TM9SF4: variants seen among roughly 807,000 people sequenced by gnomAD.
The protein encoded by TM9SF4 is transmembrane 9 superfamily member 4, also known as dinucleotide oxidase disulfide thiol exchanger 3 superfamily member 4.
In TM9SF4, 26 loss-of-function variants were observed where a neutral mutation model predicts 90.4. That is an observed-to-expected ratio of 0.29 (90% CI 0.21 to 0.40). The LOEUF (loss-of-function observed/expected upper bound fraction) is 0.40. Ranked by LOEUF, TM9SF4 falls within the 10% of genes least tolerant of loss-of-function variation. The pLI is 1.00. For missense variants in TM9SF4, 549 were observed against 834.8 expected, an observed-to-expected ratio of 0.66 and a Z score of 4.22; for synonymous variants, 293 against 315.4, an observed-to-expected ratio of 0.93 and a Z score of 0.75.
chr20:32,126,765 C>T (rs376731899), intron 1 of TM9SF4, among the ~76,000 whole-genome samples: 20 of 151,186 alleles, frequency 1.3e-4, no homozygotes, highest in African/African-American at 4.1e-4. Context: ...GACGAAGTCT[C>T]GCTCTTGTCC....
At position 32,126,062 on chromosome 20, in the gene TM9SF4, C is replaced by T. The variant is rs575185951; in HGVS notation, c.16-6951C>T. 8.7e-3 allele frequency among the ~76,000 whole-genome samples: 1,103 copies of T among 126,320 alleles called. 2 individuals are homozygous for T. Among genetic ancestry groups the T allele is most frequent in the East Asian group, 0.025 (95 of 3,868 alleles). The allele number at this position is 126,320 out of a possible 152,430, so 82.9% of individuals were successfully genotyped here. ...AAATGTGCTGCACACAGCCCTCTTT[C>T]CCGTAAACACACACACACACACACA... is the stretch of plus-strand genomic sequence containing the variant. On this transcript the variant is annotated intron_variant, in intron 1 of 17. Coordinates refer to ENST00000398022, the MANE Select transcript of TM9SF4 (RefSeq NM_014742.4).
chr20:32,111,955 A>G (rs2046149039), intron 1 of TM9SF4, among the ~76,000 whole-genome samples: 1 of 152,218 alleles, frequency 6.6e-6, no homozygotes, highest in Non-Finnish European at 1.5e-5. Flanking sequence ...ACTGCGGTCT[A>G]CATTTTGTTG....
At chr20:32,162,695 A>G (rs2047034746) in intron 17 of TM9SF4, among the ~76,000 whole-genome samples, 1 of 152,138 alleles carries the variant, frequency 6.6e-6, no homozygotes, top group African/African-American at 2.4e-5. Flanking sequence ...TGTCATTATC[A>G]AGGTCTTGAT....
Position 32,157,765 on chromosome 20 carries a change from G to A in TM9SF4, c.1330-29G>A, listed in dbSNP as rs555498590. ...CCCCCATCCCGGGCATCAGGGCCTC[G>A]TGGGGGCCTCATGGTGCCATGTCTA... is the stretch of plus-strand genomic sequence containing the variant. On this transcript the variant is annotated intron_variant, in intron 13 of 17. Transcript: ENST00000398022. 41 of 1,611,858 alleles carry A rather than the reference G, an allele frequency of 2.5e-5. 1 individual carries two copies. The South Asian group carries it at 3.7e-4, about 15-fold the overall frequency.
chr20:32,115,993 T>C (rs895659190), intron 1 of TM9SF4, among the ~76,000 whole-genome samples: 10 of 151,734 alleles, frequency 6.6e-5, no homozygotes, highest in African/African-American at 2.4e-4. Context: ...GGCTAATTTT[T>C]GTATTTTTAG....
At chr20:32,121,920 G>C (rs1288153917) in intron 1 of TM9SF4, among the ~76,000 whole-genome samples, 1 of 138,278 alleles carries the variant, frequency 7.2e-6, no homozygotes, top group Non-Finnish European at 1.6e-5. Flanking sequence ...GCGGCTGGCC[G>C]GGCGGGGGGC....
intron 17 of TM9SF4, among the ~76,000 whole-genome samples, chr20:32,164,590 G>A (rs1340524313): frequency 6.6e-6 from 1 of 152,134 alleles, no homozygotes; most frequent in Non-Finnish European, 1.5e-5. Flanking sequence ...TTAGGAGAGG[G>A]CTTCAAATGG....
At position 32,136,212 on chromosome 20, in the gene TM9SF4, G is replaced by A. The variant is rs556429538; in HGVS notation, c.229+39G>A. The A allele has an allele frequency of 2.4e-5, 38 of 1,580,320 alleles. No homozygotes were observed. In the African/African-American group the frequency reaches 4.3e-4, roughly 18 times the overall value. On this transcript the variant is annotated intron_variant, in intron 3 of 17. Coordinates refer to ENST00000398022, the MANE Select transcript of TM9SF4 (RefSeq NM_014742.4). ...CCACACTGCTGTCAACTTGTCCCCA[G>A]GGGGAACCCAGCATGATTTTTATAA...
intron 1 of TM9SF4, among the ~76,000 whole-genome samples, chr20:32,122,090 C>T (rs1269128047): frequency 1.4e-5 from 2 of 140,828 alleles, no homozygotes; most frequent in East Asian, 2.2e-4. Flanking sequence ...TCCTCACTTC[C>T]CAGTAGGGGC....
intron 17 of TM9SF4, among the ~76,000 whole-genome samples, chr20:32,163,185 G>A: frequency 6.9e-6 from 1 of 145,340 alleles, no homozygotes; most frequent in East Asian, 2.0e-4. Flanking sequence ...GGCAGAGGTT[G>A]CAGTGAGCCA....
intron 1 of TM9SF4, among the ~76,000 whole-genome samples, chr20:32,123,035 G>A (rs1375164558): frequency 4.6e-5 from 7 of 150,686 alleles, no homozygotes; most frequent in East Asian, 2.0e-4. Flanking sequence ...CAGGCGTGGC[G>A]GCGTGCGCCT....
intron 1 of TM9SF4, among the ~76,000 whole-genome samples, chr20:32,128,886 G>A (rs2046466420): frequency 6.6e-6 from 1 of 151,726 alleles, no homozygotes; most frequent in African/African-American, 2.4e-5. Context: ...AAGAAAAGGT[G>A]GGAGGTGCTG....
At chr20:32,145,520 G>A (rs1226283698) in intron 8 of TM9SF4, 97 bp downstream of exon 8, 2 of 1,096,158 alleles carry the variant, frequency 1.8e-6, no homozygotes, top group Non-Finnish European at 2.7e-6. Flanking sequence ...GTGTTCTGAG[G>A]GTCAGGCGTA....
At chr20:32,127,247 G>A (rs6058528) in intron 1 of TM9SF4, among the ~76,000 whole-genome samples, 64,285 of 152,024 alleles carry the variant, frequency 0.42, 13,952 homozygotes, top group East Asian at 0.74. Flanking sequence ...TGCTTAGCAC[G>A]TAATTAGCAT....
intron 3 of TM9SF4, among the ~76,000 whole-genome samples, chr20:32,137,218 T>C (rs2046607576): frequency 6.6e-6 from 1 of 152,198 alleles, no homozygotes; most frequent in Non-Finnish European, 1.5e-5. Flanking sequence ...TGCCTGCCAT[T>C]GCCCTCCTTT....
At position 32,165,401 on chromosome 20, in the gene TM9SF4, A is replaced by G; in HGVS notation, c.1886A>G (p.Tyr629Cys). 6.2e-7 allele frequency: 1 copy of G among 1,614,128 alleles called. No homozygotes were observed. Among genetic ancestry groups the G allele is most frequent in the Non-Finnish European group, 8.5e-7 (1 of 1,180,008 alleles). The change falls in exon 18 of 18, where the codon TAC (tyrosine) becomes TGC (cysteine). Residue 629 changes from tyrosine to cysteine, a missense_variant. Tyr to Cys is a radical substitution (Grantham distance 194). Coordinates refer to ENST00000398022, the MANE Select transcript of TM9SF4 (RefSeq NM_014742.4). ...GGTACCATCGGCTTCTATGCAGCCTACATGTTTGTTCGCAAGATCTATGCT... is the reference window on the plus strand; with the variant it reads ...GGTACCATCGGCTTCTATGCAGCCTGCATGTTTGTTCGCAAGATCTATGCT... Reference protein sequence around the residue: ...LTGTIGFYAAYMFVRKIYAAV... With the variant: ...LTGTIGFYAACMFVRKIYAAV...
chr20:32,162,240 A>C (rs552673378), intron 17 of TM9SF4, among the ~76,000 whole-genome samples: 2 of 152,144 alleles, frequency 1.3e-5, no homozygotes, highest in East Asian at 3.9e-4. Context: ...GCGTATTTGC[A>C]AAATAGAGTT....
At position 32,141,658 on chromosome 20, in the gene TM9SF4, G is replaced by A. The variant is rs572018688; in HGVS notation, c.391G>A (p.Val131Ile). The change falls in exon 4 of 18, where the codon GTC becomes ATC. Residue 131 changes from valine (V) to isoleucine (I), a missense_variant. Val to Ile is a conservative substitution (Grantham distance 29). Around this residue, in one of 2 missense-constraint regions of TM9SF4, gnomAD observed 495 missense variants for 711.7 expected, o/e 0.70. Coordinates refer to ENST00000398022, the MANE Select transcript of TM9SF4 (RefSeq NM_014742.4). ...VAERITEDYY[V>I]HLIADNLPVA... The stretch of plus-strand genomic sequence containing the variant: ...CGAGCGGATCACAGAAGACTACTAC[G>A]TCCACCTGTAAGTCGCCCTGTGCTC... 1.2e-5 allele frequency: 20 copies of A among 1,613,930 alleles called. No individual in the cohort carries two copies. Among genetic ancestry groups the A allele is most frequent in the South Asian group, 6.6e-5 (6 of 91,080 alleles).
At chr20:32,163,470 C>T (rs1254581535) in intron 17 of TM9SF4, among the ~76,000 whole-genome samples, 1 of 150,954 alleles carries the variant, frequency 6.6e-6, no homozygotes, top group African/African-American at 2.4e-5. Context: ...AGCTAAAAGA[C>T]TGTCTTTCGT....
Sources: gnomAD v4.1 joint callset for allele counts (sites outside exome capture counted in the v4.1 genomes callset) on GRCh38, gnomAD v4.1.1 for gene constraint, gnomAD v4.1.1 regional missense constraint, MANE v1.5 for transcripts, NCBI Gene and HGNC (gene_info 2026-07-23, HGNC 2026-07-21) for gene names.